The following ROBO1 variants were observed in gnomAD, a reference collection of about 807,000 sequenced individuals.
ROBO1 encodes roundabout guidance receptor 1, also known as roundabout homolog 1.
In ROBO1, 149 loss-of-function variants were observed where a neutral mutation model predicts 195.9. That is an observed-to-expected ratio of 0.76 (90% CI 0.67 to 0.87). ROBO1 has a LOEUF of 0.87. Among genes scored for constraint, ROBO1 ranks in the 40% least tolerant of loss-of-function variants. The probability of loss-of-function intolerance (pLI) is 0.00; values close to 1 mark genes in which losing one functional copy is unlikely to be tolerated. For synonymous variants in ROBO1, 816 were observed against 733.2 expected (o/e 1.11, Z -1.82); for missense variants, 1,933 against 2,068.3 (o/e 0.93, Z 1.27).
rs191431012 is a variant in ROBO1, at chr3:79,402,686, G to A, written c.88+187138C>T. On this transcript the variant is annotated intron_variant, in intron 2 of 30. Transcript: ENST00000464233. ...ATGCCAGTTCTCACAACATATGCAT[G>A]GAAGAGTTGGGTTTGGATCTCAGTA... Among the ~76,000 whole-genome samples, 432 of 151,988 alleles carry A rather than the reference G, an allele frequency of 2.8e-3. 2 individuals are homozygous for A. The highest frequency in any genetic ancestry group is 9.1e-3 in the African/African-American group (376 of 41,512).
intron 3 of ROBO1, among the ~76,000 whole-genome samples, chr3:79,075,296 C>A (rs1297850445): frequency 6.6e-6 from 1 of 151,918 alleles, no homozygotes; most frequent in Admixed American, 6.6e-5. Context: ...CTGATGTAAA[C>A]ATATAGCTTC....
chr3:79,723,648 T>G (rs1702792849), intron 1 of ROBO1, among the ~76,000 whole-genome samples: 1 of 152,180 alleles, frequency 6.6e-6, no homozygotes, highest in Non-Finnish European at 1.5e-5. Flanking sequence ...TTTTAGATAT[T>G]TTAATGCTTT....
chr3:79,224,411 C>A, intron 2 of ROBO1, among the ~76,000 whole-genome samples: 1 of 152,230 alleles, frequency 6.6e-6, no homozygotes, highest in Non-Finnish European at 1.5e-5. Flanking sequence ...CTCAGGCTCA[C>A]GCAGGGTAAC....
intron 14 of ROBO1, among the ~76,000 whole-genome samples, chr3:78,663,481 T>C (rs941006517): frequency 2.3e-4 from 35 of 152,178 alleles, no homozygotes; most frequent in African/African-American, 7.5e-4. Context: ...CCTTACCCAC[T>C]GGTCTCAATT....
chr3:78,951,559 T>C (rs974833263), intron 3 of ROBO1, among the ~76,000 whole-genome samples: 6 of 152,082 alleles, frequency 3.9e-5, no homozygotes, highest in Non-Finnish European at 7.4e-5. Context: ...GTGAGGCTTT[T>C]ACAAAGGAAC....
intron 2 of ROBO1, among the ~76,000 whole-genome samples, chr3:79,366,419 C>T (rs2035977892): frequency 6.6e-6 from 1 of 152,150 alleles, no homozygotes; most frequent in South Asian, 2.1e-4. Context: ...GTACTCTTCA[C>T]CTCTAACCCT....
At chr3:79,058,138 A>T (rs1269340549) in intron 3 of ROBO1, among the ~76,000 whole-genome samples, 1 of 152,054 alleles carries the variant, frequency 6.6e-6, no homozygotes, top group African/African-American at 2.4e-5. Context: ...TGCCCTAAAA[A>T]TTTTGAGGCC....
intron 2 of ROBO1, among the ~76,000 whole-genome samples, chr3:79,314,827 G>A (rs574068867): frequency 6.6e-6 from 1 of 152,328 alleles, no homozygotes; most frequent in East Asian, 1.9e-4. Flanking sequence ...GGTATACAGT[G>A]TGGTAGGAAA....
At chr3:79,434,460 G>A (rs2038804891) in intron 2 of ROBO1, among the ~76,000 whole-genome samples, 1 of 152,108 alleles carries the variant, frequency 6.6e-6, no homozygotes. Context: ...ACAGACACAT[G>A]AAAAAATGCT....
intron 2 of ROBO1, among the ~76,000 whole-genome samples, chr3:79,226,398 G>A (rs776071442): frequency 1.3e-4 from 20 of 151,928 alleles, no homozygotes; most frequent in Admixed American, 1.3e-3. Context: ...TCCTCTTAAC[G>A]GCACACCAAG....
intron 2 of ROBO1, among the ~76,000 whole-genome samples, chr3:79,503,022 G>T (rs188175821): frequency 6.6e-5 from 10 of 152,166 alleles, no homozygotes; most frequent in African/African-American, 2.4e-4. Context: ...AGCAGGCTGC[G>T]TGAGCTAACA....
At chr3:78,818,032 A>T (rs1355951829) in intron 4 of ROBO1, among the ~76,000 whole-genome samples, 1 of 152,184 alleles carries the variant, frequency 6.6e-6, no homozygotes, top group Non-Finnish European at 1.5e-5. Flanking sequence ...AACCAAAACC[A>T]CTTGAACAGC....
intron 4 of ROBO1, among the ~76,000 whole-genome samples, chr3:78,833,630 A>T (rs1168288293): frequency 3.9e-5 from 6 of 152,100 alleles, no homozygotes; most frequent in Non-Finnish European, 7.4e-5. Context: ...TTTTCTTAGG[A>T]TTGTTGTGTG....
chr3:79,465,837 T>C lies in ROBO1; in HGVS notation c.88+123987A>G, dbSNP rs1368783706. The stretch of plus-strand genomic sequence containing the variant: ...TAATGGAATGGAAGACTCTCATTAT[T>C]TATCATTTAAAGGTTTATCTTTTTA... On this transcript the variant is annotated intron_variant, in intron 2 of 30. Coordinates refer to ENST00000464233, the MANE Select transcript of ROBO1 (RefSeq NM_002941.4). Among the ~76,000 whole-genome samples the C allele has an allele frequency of 2.0e-5, 3 of 152,112 alleles. 1 individual carries two copies. The highest frequency in any genetic ancestry group is 1.9e-4 in the East Asian group (1 of 5,190).
chr3:79,630,465 C>A (rs1236245062), intron 1 of ROBO1, among the ~76,000 whole-genome samples: 1 of 151,822 alleles, frequency 6.6e-6, no homozygotes, highest in Non-Finnish European at 1.5e-5. Flanking sequence ...AAACCCTTCA[C>A]AAAATAGGCA....
intron 22 of ROBO1, among the ~76,000 whole-genome samples, chr3:78,639,133 G>A (rs1197012573): frequency 2.0e-5 from 3 of 151,750 alleles, no homozygotes; most frequent in Non-Finnish European, 1.5e-5. Flanking sequence ...CCTACAGAGT[G>A]AGACTCTTGT....
At chr3:78,801,514 C>T (rs1046290672) in intron 4 of ROBO1, among the ~76,000 whole-genome samples, 1 of 151,940 alleles carries the variant, frequency 6.6e-6, no homozygotes, top group African/African-American at 2.4e-5. Flanking sequence ...CTAAAAAATA[C>T]ACAGACATAA....
intron 2 of ROBO1, among the ~76,000 whole-genome samples, chr3:79,306,775 A>G (rs974765603): frequency 6.6e-6 from 1 of 152,232 alleles, no homozygotes; most frequent in South Asian, 2.1e-4. Context: ...TTCACTTACT[A>G]AAACCTATTC....
chr3:79,695,753 A>G (rs932216093), intron 1 of ROBO1, among the ~76,000 whole-genome samples: 3 of 151,500 alleles, frequency 2.0e-5, no homozygotes, highest in African/African-American at 7.2e-5. Flanking sequence ...GTCTTCTAAG[A>G]AGAAATTATG....
Sources: allele counts gnomAD v4.1 joint callset (sites outside exome capture counted in the v4.1 genomes callset), GRCh38; gene constraint gnomAD v4.1.1; transcripts MANE v1.5; gene names NCBI Gene and HGNC (gene_info 2026-07-23, HGNC 2026-07-21).